The following XKR4 variants were observed in gnomAD, a reference collection of about 807,000 sequenced individuals.
XKR4 encodes the protein XK-related protein 4.
XKR4 carries 12 observed loss-of-function variants against 53.9 expected under a neutral mutation model. The observed-to-expected ratio is 0.22, with a 90% CI of 0.14 to 0.36. The LOEUF is 0.36. Among genes scored for constraint, XKR4 ranks in the 10% least tolerant of loss-of-function variants. The pLI, the probability that XKR4 is intolerant of heterozygous loss-of-function variation, is 1.00. For synonymous variants in XKR4, 354 were observed against 362.4 expected (o/e 0.98, Z 0.26); for missense variants, 799 against 859.5 (o/e 0.93, Z 0.88).
intron 1 of XKR4, among the ~76,000 whole-genome samples, chr8:55,230,381 A>C (rs1339660285): frequency 7.1e-5 from 2 of 28,262 alleles, no homozygotes; most frequent in Non-Finnish European, 3.2e-4. Context: ...TTTTTTTTTG[A>C]GACAGGGTTT....
chr8:55,489,625 C>A (rs1806243438), intron 2 of XKR4, among the ~76,000 whole-genome samples: 1 of 151,682 alleles, frequency 6.6e-6, no homozygotes, highest in Non-Finnish European at 1.5e-5. Flanking sequence ...TATGATGCAT[C>A]AAATATTTTA....
intron 1 of XKR4, among the ~76,000 whole-genome samples, chr8:55,327,933 C>T (rs527344672): frequency 5.9e-5 from 9 of 152,166 alleles, no homozygotes; most frequent in African/African-American, 1.7e-4. Context: ...GATAAAAATG[C>T]TAGTATCTAG....
chr8:55,449,770 G>GA, intron 2 of XKR4: 1 of 1,160,626 alleles, frequency 8.6e-7, no homozygotes, highest in South Asian at 1.2e-5. Context: ...TGTCTAACAT[G>GA]AACCAGCGGG....
chr8:55,467,477 G>T (rs572902688), intron 2 of XKR4, among the ~76,000 whole-genome samples: 2 of 152,136 alleles, frequency 1.3e-5, no homozygotes, highest in Non-Finnish European at 2.9e-5. Context: ...TTGCACATGT[G>T]TGTTTACTGA....
chr8:55,348,322 C>T (rs573417330), intron 1 of XKR4, among the ~76,000 whole-genome samples: 44 of 152,264 alleles, frequency 2.9e-4, no homozygotes, highest in Admixed American at 2.7e-3. Context: ...CATGTGTGTG[C>T]CAGGCACATC....
At chr8:55,286,531 G>T (rs1818909330) in intron 1 of XKR4, among the ~76,000 whole-genome samples, 2 of 152,156 alleles carry the variant, frequency 1.3e-5, no homozygotes, top group African/African-American at 2.4e-5. Flanking sequence ...GTTTTTTGAG[G>T]AGCTAGCCCA....
At position 55,207,134 on chromosome 8, in the gene XKR4, T is replaced by A. The variant is rs1193991038; in HGVS notation, c.806+103840T>A. On this transcript the variant is annotated intron_variant, in intron 1 of 2. Coordinates refer to ENST00000327381, the MANE Select transcript of XKR4 (RefSeq NM_052898.2). Reference sequence around the variant, plus strand: ...TCCTGCCCCAGATGGCATGGTGCTCTGCTGTCCCGTTCTCGTCTCCCCTGC... The same window carrying A: ...TCCTGCCCCAGATGGCATGGTGCTCAGCTGTCCCGTTCTCGTCTCCCCTGC... 2.0e-5 allele frequency among the ~76,000 whole-genome samples: 3 copies of A among 152,200 alleles called. No homozygotes were observed. In the East Asian group the frequency reaches 5.8e-4, roughly 29 times the overall value.
Position 55,271,432 on chromosome 8 carries a change from A to C in XKR4, c.807-86246A>C, listed in dbSNP as rs187867131. Reference sequence around the variant, plus strand: ...TTGTTTTGTTTTGAGGATTTCGAAAAGTAGTAATTAAGAGAGAAGGCAGAG... The same window carrying C: ...TTGTTTTGTTTTGAGGATTTCGAAACGTAGTAATTAAGAGAGAAGGCAGAG... On this transcript the variant is annotated intron_variant, in intron 1 of 2. Coordinates refer to ENST00000327381, the MANE Select transcript of XKR4 (RefSeq NM_052898.2). Among the ~76,000 whole-genome samples, 4 of 152,352 alleles carry C rather than the reference A, an allele frequency of 2.6e-5. No individual in the cohort carries two copies. In the East Asian group the frequency reaches 7.7e-4, roughly 29 times the overall value.
Position 55,419,258 on chromosome 8 carries a change from G to A in XKR4, c.1006+61381G>A, listed in dbSNP as rs1804892321. Among the ~76,000 whole-genome samples, 5 of 152,196 alleles carry A rather than the reference G, an allele frequency of 3.3e-5. No individual in the cohort carries two copies. In the South Asian group the frequency reaches 1.0e-3, roughly 32 times the overall value. Reference sequence around the variant, plus strand: ...AAAATTAGCCGGAGTGGTGGTGGGTGCCTGTAATCCCAGCTATTCAAGAGG... The same window carrying A: ...AAAATTAGCCGGAGTGGTGGTGGGTACCTGTAATCCCAGCTATTCAAGAGG... On this transcript the variant is annotated intron_variant, in intron 2 of 2. Coordinates refer to ENST00000327381, the MANE Select transcript of XKR4 (RefSeq NM_052898.2).
chr8:55,103,024 C>T lies in XKR4; in HGVS notation c.536C>T (p.Ala179Val). 6.2e-7 allele frequency: 1 copy of T among 1,612,508 alleles called. No individual in the cohort carries two copies. The highest frequency in any genetic ancestry group is 8.5e-7 in the Non-Finnish European group (1 of 1,179,786). ...TTCAGCACCGAGGACAGCGCCACGG[C>T]CGCTGCTGCCTCCAGCTGCCCGCAG... ...HDFSTEDSAT[A>V]AAASSCPQPG... Residue 179 changes from alanine (A) to valine (V), a missense_variant, in exon 1 of 3, where the codon GCC (alanine) becomes GTC (valine). Ala to Val is a moderately conservative substitution (Grantham distance 64). Around this residue, in one of 3 missense-constraint regions of XKR4, gnomAD observed 476 missense variants for 505.4 expected, o/e 0.94. Coordinates refer to ENST00000327381, the MANE Select transcript of XKR4 (RefSeq NM_052898.2).
At chr8:55,155,433 C>A (rs1164997727) in intron 1 of XKR4, among the ~76,000 whole-genome samples, 2 of 150,518 alleles carry the variant, frequency 1.3e-5, no homozygotes, top group Non-Finnish European at 2.9e-5. Flanking sequence ...TAGAAGATTT[C>A]AAAATAGATA....
chr8:55,172,381 T>A (rs1186030874), intron 1 of XKR4, among the ~76,000 whole-genome samples: 1 of 151,976 alleles, frequency 6.6e-6, no homozygotes, highest in East Asian at 1.9e-4. Flanking sequence ...TGTGAAAAAT[T>A]TTGCACCTAC....
chr8:55,486,328 G>A (rs1806190426), intron 2 of XKR4, among the ~76,000 whole-genome samples: 2 of 152,210 alleles, frequency 1.3e-5, no homozygotes, highest in Non-Finnish European at 1.5e-5. Context: ...GAGCTGAGCT[G>A]TCAAGAAATA....
intron 1 of XKR4, among the ~76,000 whole-genome samples, chr8:55,310,658 G>C (rs1443197519): frequency 4.6e-5 from 7 of 152,164 alleles, no homozygotes; most frequent in Admixed American, 2.6e-4. Flanking sequence ...CACTCTCTCT[G>C]AGCCTCCACC....
intron 2 of XKR4, among the ~76,000 whole-genome samples, chr8:55,468,456 AT>A (rs915075721): frequency 5.9e-5 from 9 of 151,898 alleles, no homozygotes; most frequent in South Asian, 2.1e-4. Context: ...GTTATATCTA[AT>A]TTTTTTTCTT....
intron 2 of XKR4, among the ~76,000 whole-genome samples, chr8:55,499,183 T>C (rs1401514143): frequency 6.6e-6 from 1 of 152,174 alleles, no homozygotes; most frequent in Non-Finnish European, 1.5e-5. Context: ...AAGTTAAACA[T>C]TAAATGTGAA....
At chr8:55,466,648 A>G (rs1252045279) in intron 2 of XKR4, among the ~76,000 whole-genome samples, 4 of 152,066 alleles carry the variant, frequency 2.6e-5, no homozygotes, top group Non-Finnish European at 5.9e-5. Flanking sequence ...AAAAAAATAT[A>G]TATGGATAAG....
At chr8:55,502,023 G>A (rs1806446131) in intron 2 of XKR4, among the ~76,000 whole-genome samples, 1 of 152,174 alleles carries the variant, frequency 6.6e-6, no homozygotes, top group South Asian at 2.1e-4. Flanking sequence ...TAAATGCTAT[G>A]TAAGGAGTTG....
At chr8:55,317,707 A>G (rs1803115028) in intron 1 of XKR4, among the ~76,000 whole-genome samples, 1 of 152,194 alleles carries the variant, frequency 6.6e-6, no homozygotes, top group Non-Finnish European at 1.5e-5. Context: ...TGTGAGTGAC[A>G]GAGAACCACT....
Sources: gnomAD v4.1 joint callset for allele counts (sites outside exome capture counted in the v4.1 genomes callset) on GRCh38, gnomAD v4.1.1 for gene constraint, gnomAD v4.1.1 regional missense constraint, MANE v1.5 for transcripts, NCBI Gene and HGNC (gene_info 2026-07-23, HGNC 2026-07-21) for gene names.